PRPF3: variants seen among roughly 807,000 people sequenced by gnomAD.
PRPF3 encodes the protein pre-mRNA processing factor 3, also known as U4/U6 small nuclear ribonucleoprotein Prp3.
In PRPF3, 3 loss-of-function variants were observed where a neutral mutation model predicts 89.2. The ratio of observed to expected loss-of-function variants is 0.03; its 90% CI spans 0.02 to 0.09. PRPF3 has a LOEUF of 0.09. Ranked by LOEUF, PRPF3 falls within the 10% of genes least tolerant of loss-of-function variation. The pLI, the probability that PRPF3 is intolerant of heterozygous loss-of-function variation, is 1.00. For synonymous variants in PRPF3, 270 were observed against 289.1 expected (o/e 0.93, Z 0.67); for missense variants, 463 against 828.8 (o/e 0.56, Z 5.42).
chr1:150,338,116 A>G (rs587771902), intron 7 of PRPF3, 44 bp from the exon 8 acceptor site: 52 of 1,594,230 alleles, frequency 3.3e-5, no homozygotes, highest in Middle Eastern at 1.7e-4. Flanking sequence ...TCTGTTTTCT[A>G]TGACTCCAAT....
rs1174406556 is a variant in PRPF3, at chr1:150,337,510, C to T, written c.1036-650C>T. 8.6e-5 allele frequency among the ~76,000 whole-genome samples: 13 copies of T among 151,910 alleles called. No individual in the cohort carries two copies. In the South Asian group the frequency reaches 1.5e-3, roughly 17 times the overall value. On this transcript the variant is annotated intron_variant, in intron 7 of 15. Transcript: ENST00000324862. ...GTTGCGTTAGGTGTAAAGAGTTCAA[C>T]GGGGAAGTGTTTTAAAATTTGGGAT...
intron 15 of PRPF3, among the ~76,000 whole-genome samples, chr1:150,350,219 T>TG (rs1658780418): frequency 2.7e-5 from 4 of 148,138 alleles, no homozygotes; most frequent in Non-Finnish European, 6.0e-5. Flanking sequence ...TTTTTTTTTT[T>TG]TGAGAGAGTT....
At chr1:150,340,547 C>A in intron 9 of PRPF3, 70 bp downstream of exon 9, 2 of 1,187,880 alleles carry the variant, frequency 1.7e-6, no homozygotes, top group Non-Finnish European at 2.5e-6. Context: ...CAGTGAGGAA[C>A]ATGTTCTGTA....
chr1:150,331,495 G>T (rs1171303355), intron 4 of PRPF3, among the ~76,000 whole-genome samples: 1 of 152,024 alleles, frequency 6.6e-6, no homozygotes, highest in Non-Finnish European at 1.5e-5. Context: ...CTCCTGAGTA[G>T]CTGGCATTAC....
In PRPF3 at chr1:150,352,341, T is replaced by G. The variant is rs149825650; in HGVS notation, c.1906-492T>G. 5.7e-4 allele frequency among the ~76,000 whole-genome samples: 87 copies of G among 152,326 alleles called. No individual in the cohort carries two copies. In the Middle Eastern group the frequency reaches 0.01, roughly 18 times the overall value. On this transcript the variant is annotated intron_variant, in intron 15 of 15. Coordinates refer to ENST00000324862, the MANE Select transcript of PRPF3 (RefSeq NM_004698.4). Reference sequence around the variant, plus strand: ...ACTTCATTTCAAAAAACTAAAAGCCTTATGCATATGAATTCGTAAAATCTC... The same window carrying G: ...ACTTCATTTCAAAAAACTAAAAGCCGTATGCATATGAATTCGTAAAATCTC...
intron 12 of PRPF3, 91 bp from the exon 13 acceptor site, chr1:150,345,927 A>T (rs905302820): frequency 8.3e-6 from 8 of 963,960 alleles, no homozygotes; most frequent in African/African-American, 8.0e-5. Context: ...TAGAGAGGAA[A>T]CCATTTTGGA....
chr1:150,328,346 C>G lies in PRPF3; in HGVS notation c.303C>G (p.Ile101Met), dbSNP rs1553864387. ...LKEVFGDDSEISKESSGVKKR... is the reference protein window; with the variant it reads ...LKEVFGDDSEMSKESSGVKKR... ...AGGTGTTTGGTGATGACTCTGAGAT[C>G]TCTAAAGAATCATCAGGAGTAAAGA... The change falls in exon 4 of 16, where the codon ATC becomes ATG. Residue 101 changes from isoleucine to methionine, a missense_variant. Around this residue, in one of 8 missense-constraint regions of PRPF3, gnomAD observed 28 missense variants for 48.1 expected, o/e 0.58. Coordinates refer to ENST00000324862, the MANE Select transcript of PRPF3 (RefSeq NM_004698.4). 1 of 1,613,920 alleles carries G rather than the reference C, an allele frequency of 6.2e-7. No individual in the cohort carries two copies. Among genetic ancestry groups the G allele is most frequent in the Admixed American group, 1.7e-5 (1 of 59,960 alleles).
At chr1:150,324,395 T>G (rs1655464072) in intron 1 of PRPF3, among the ~76,000 whole-genome samples, 1 of 152,154 alleles carries the variant, frequency 6.6e-6, no homozygotes. Context: ...AACTTAAGAG[T>G]TAGAATTAAA....
At chr1:150,326,762 C>T (rs1655764712) in intron 3 of PRPF3, among the ~76,000 whole-genome samples, 1 of 151,950 alleles carries the variant, frequency 6.6e-6, no homozygotes, top group Non-Finnish European at 1.5e-5. Flanking sequence ...ATAGTCCTTG[C>T]CTTAAAACAA....
At chr1:150,336,081 T>C (rs1656960634) in intron 7 of PRPF3, among the ~76,000 whole-genome samples, 1 of 152,174 alleles carries the variant, frequency 6.6e-6, no homozygotes, top group Non-Finnish European at 1.5e-5. Context: ...TCTATTATTA[T>C]TTTATTGTAA....
chr1:150,347,275 T>TAC (rs781861293), intron 14 of PRPF3, among the ~76,000 whole-genome samples: 82 of 150,554 alleles, frequency 5.4e-4, no homozygotes, highest in South Asian at 1.5e-3. Context: ...TACACATACA[T>TAC]ACACACACAC....
chr1:150,334,408 C>T (rs959955194), intron 6 of PRPF3, among the ~76,000 whole-genome samples: 2 of 152,052 alleles, frequency 1.3e-5, no homozygotes, highest in Non-Finnish European at 2.9e-5. Context: ...ACTCTGTCAC[C>T]CAGGCTGGAG....
chr1:150,323,616 C>A (rs1273227616), intron 1 of PRPF3, among the ~76,000 whole-genome samples: 1 of 115,326 alleles, frequency 8.7e-6, no homozygotes, highest in Non-Finnish European at 1.7e-5. Flanking sequence ...GCCTGGGCGA[C>A]GGAGTGAGAC....
chr1:150,329,407 T>C (rs1306980187), intron 4 of PRPF3, among the ~76,000 whole-genome samples: 7 of 152,176 alleles, frequency 4.6e-5, no homozygotes, highest in African/African-American at 1.7e-4. Context: ...GGTAAGGGTA[T>C]TGAAATTGCC....
chr1:150,350,134 G>A (rs1365879177), intron 15 of PRPF3, among the ~76,000 whole-genome samples: 2 of 151,784 alleles, frequency 1.3e-5, no homozygotes, highest in Non-Finnish European at 2.9e-5. Context: ...AACCTCAGGT[G>A]ATCCGCCTGC....
At chr1:150,328,144 T>G in intron 3 of PRPF3, 176 bp from the exon 4 acceptor site, 1 of 641,430 alleles carries the variant, frequency 1.6e-6, no homozygotes, top group Non-Finnish European at 2.7e-6. Context: ...TAGGAGAATG[T>G]TGAAGTTGGG....
At chr1:150,345,795 T>C (rs1553872757) in intron 12 of PRPF3, 2 of 557,514 alleles carry the variant, frequency 3.6e-6, no homozygotes, top group South Asian at 1.9e-5. Flanking sequence ...TGGTTAGTAA[T>C]GTAATGGTTA....
chr1:150,333,253 A>G (rs1280038855), intron 6 of PRPF3, 54 bp downstream of exon 6: 40 of 1,572,684 alleles, frequency 2.5e-5, no homozygotes, highest in Non-Finnish European at 3.2e-5. Context: ...GAGAAGCAAT[A>G]AATACCTTTG....
chr1:150,335,372 G>A, intron 7 of PRPF3, 131 bp downstream of exon 7: 1 of 1,090,948 alleles, frequency 9.2e-7, no homozygotes, highest in East Asian at 2.6e-5. Flanking sequence ...AACCTTTTTG[G>A]CACCAGGGAC....
Sources: allele counts gnomAD v4.1 joint callset (sites outside exome capture counted in the v4.1 genomes callset), GRCh38; gene constraint gnomAD v4.1.1; regional missense constraint gnomAD v4.1.1; transcripts MANE v1.5; gene names NCBI Gene and HGNC (gene_info 2026-07-23, HGNC 2026-07-21).